The following PDS5A variants were observed in gnomAD, a reference collection of about 807,000 sequenced individuals.
PDS5A encodes PDS5 cohesin associated factor A.
A neutral mutation model predicts 167.1 loss-of-function variants in PDS5A; 42 were observed. The observed-to-expected ratio is 0.25, with a 90% confidence interval of 0.20 to 0.33. PDS5A has a LOEUF of 0.33. PDS5A is among the 10% of genes least tolerant of loss of function. The pLI is 1.00. For missense variants in PDS5A, 1,033 were observed against 1,605.9 expected (o/e 0.64, Z 6.10); for synonymous variants, 553 against 554.6 (o/e 1.00, Z 0.04).
intron 2 of PDS5A, among the ~76,000 whole-genome samples, chr4:39,971,994 T>C (rs891356955): frequency 2.9e-4 from 44 of 152,120 alleles, no homozygotes; most frequent in African/African-American, 9.7e-4. Flanking sequence ...AAATACAAAA[T>C]CAAAAGAATT....
chr4:39,829,673 C>T (rs949509446), intron 32 of PDS5A, among the ~76,000 whole-genome samples: 4 of 149,960 alleles, frequency 2.7e-5, no homozygotes, highest in East Asian at 2.0e-4. Flanking sequence ...AATTTCCGGC[C>T]AGGCGCGGTG....
At chr4:39,911,687 C>G (rs377721325) in intron 9 of PDS5A, among the ~76,000 whole-genome samples, 4 of 151,994 alleles carry the variant, frequency 2.6e-5, no homozygotes, top group African/African-American at 9.6e-5. Context: ...AAAAAATTAG[C>G]CGGGCGCACT....
intron 17 of PDS5A, among the ~76,000 whole-genome samples, chr4:39,885,786 A>AC (rs1374490113): frequency 6.6e-6 from 1 of 151,726 alleles, no homozygotes; most frequent in African/African-American, 2.4e-5. Context: ...AAACAAACAA[A>AC]AAAAAACACC....
chr4:39,955,951 C>G (rs556143542), intron 2 of PDS5A, among the ~76,000 whole-genome samples: 1 of 151,904 alleles, frequency 6.6e-6, no homozygotes, highest in Non-Finnish European at 1.5e-5. Flanking sequence ...CCCATCTCTA[C>G]TAAAAATACA....
intron 26 of PDS5A, among the ~76,000 whole-genome samples, chr4:39,852,205 T>C (rs575496576): frequency 2.3e-4 from 35 of 152,200 alleles, no homozygotes; most frequent in Non-Finnish European, 4.3e-4. Context: ...TTCAATATAA[T>C]GTTACATTTA....
At chr4:39,918,494 A>C (rs1479457956) in intron 7 of PDS5A, among the ~76,000 whole-genome samples, 5 of 152,208 alleles carry the variant, frequency 3.3e-5, no homozygotes, top group Non-Finnish European at 7.4e-5. Flanking sequence ...AATTGTATGC[A>C]ACTGATACAA....
chr4:39,870,454 G>C (rs1354407884), intron 21 of PDS5A, among the ~76,000 whole-genome samples: 1 of 152,132 alleles, frequency 6.6e-6, no homozygotes, highest in African/African-American at 2.4e-5. Context: ...AGGCATGGTG[G>C]CGTGTGCTGA....
chr4:39,843,327 A>G (rs143277055), intron 30 of PDS5A, among the ~76,000 whole-genome samples: 166 of 152,246 alleles, frequency 1.1e-3, no homozygotes, highest in African/African-American at 3.9e-3. Context: ...ATAAGGCACT[A>G]CACCCAGCCC....
chr4:39,919,513 C>T (rs1260250086), intron 7 of PDS5A, among the ~76,000 whole-genome samples: 1 of 151,972 alleles, frequency 6.6e-6, no homozygotes, highest in Admixed American at 6.6e-5. Flanking sequence ...AGTGTGGTGG[C>T]GGGTGCCTGT....
intron 2 of PDS5A, among the ~76,000 whole-genome samples, chr4:39,947,717 G>A (rs1334051453): frequency 6.6e-6 from 1 of 152,100 alleles, no homozygotes. Context: ...TGTGACCCAC[G>A]GGCTGTGAGT....
intron 2 of PDS5A, among the ~76,000 whole-genome samples, chr4:39,959,766 C>G (rs1028812401): frequency 1.3e-5 from 2 of 151,872 alleles, no homozygotes; most frequent in Admixed American, 6.6e-5. Flanking sequence ...ACCAGCCTGG[C>G]CAACAAGGTG....
At chr4:39,839,821 C>T (rs1048120014) in intron 31 of PDS5A, among the ~76,000 whole-genome samples, 16 of 150,454 alleles carry the variant, frequency 1.1e-4, no homozygotes, top group African/African-American at 3.9e-4. Context: ...TTACCAATTT[C>T]ATTTAATAGT....
intron 25 of PDS5A, 22 bp downstream of exon 25, chr4:39,862,847 C>G (rs193084609): frequency 6.9e-7 from 1 of 1,458,148 alleles, no homozygotes; most frequent in African/African-American, 1.4e-5. Flanking sequence ...TATTTGCACA[C>G]GGAGAACTCT....
chr4:39,833,658 A>G (rs1318548655), intron 32 of PDS5A, among the ~76,000 whole-genome samples: 1 of 152,136 alleles, frequency 6.6e-6, no homozygotes, highest in African/African-American at 2.4e-5. Flanking sequence ...CCAAAGTGGT[A>G]GGATTATAGG....
At chr4:39,949,900 A>C (rs1194416437) in intron 2 of PDS5A, among the ~76,000 whole-genome samples, 1 of 151,442 alleles carries the variant, frequency 6.6e-6, no homozygotes, top group Non-Finnish European at 1.5e-5. Context: ...TACTAAAAAC[A>C]ACCATACATT....
intron 2 of PDS5A, among the ~76,000 whole-genome samples, chr4:39,940,140 C>T (rs907134788): frequency 5.3e-5 from 8 of 151,456 alleles, no homozygotes; most frequent in African/African-American, 1.9e-4. Context: ...TGCCTGTAAT[C>T]TCAGCTACTT....
At chr4:39,921,044 T>A (rs1015632650) in intron 6 of PDS5A, among the ~76,000 whole-genome samples, 5 of 152,172 alleles carry the variant, frequency 3.3e-5, no homozygotes, top group African/African-American at 4.8e-5. Context: ...TATCTTGAAG[T>A]TTTGGATCAA....
Position 39,844,815 on chromosome 4 carries a change from CA to C in PDS5A, c.3403-15del, listed in dbSNP as rs759662260. On this transcript the variant is annotated splice_polypyrimidine_tract_variant and intron_variant, in intron 29 of 32. Transcript: ENST00000303538. The stretch of plus-strand genomic sequence containing the variant: ...AGCAGGCTTTGGCTAAAAACAAAAA[CA>C]AAAAACCCCCCAAAAACACACACGT... 4.7e-5 allele frequency: 74 copies of C among 1,587,470 alleles called. 1 individual carries two copies. The East Asian group carries it at 7.2e-4, about 15-fold the overall frequency.
chr4:39,872,884 T>G, intron 21 of PDS5A, 102 bp downstream of exon 21: 2 of 586,866 alleles, frequency 3.4e-6, no homozygotes, highest in Non-Finnish European at 5.4e-6. Context: ...TAGAATAATT[T>G]AAAAGAAAAA....
Sources: gnomAD v4.1 joint callset for allele counts (sites outside exome capture counted in the v4.1 genomes callset) on GRCh38, gnomAD v4.1.1 for gene constraint, MANE v1.5 for transcripts, NCBI Gene and HGNC (gene_info 2026-07-23, HGNC 2026-07-21) for gene names.